FAM124A: variants seen among roughly 807,000 people sequenced by gnomAD.
FAM124A encodes the protein protein FAM124A.
In FAM124A, 23 loss-of-function variants were observed where a neutral mutation model predicts 24.5. That is an observed-to-expected ratio of 0.94 (90% CI 0.68 to 1.33). The LOEUF is 1.33. FAM124A is among the 40% of genes most tolerant of loss of function. FAM124A has a pLI of 0.00. For missense variants in FAM124A, 623 were observed against 722.8 expected (o/e 0.86, Z 1.58); for synonymous variants, 287 against 314.7 (o/e 0.91, Z 0.93).
At chr13:51,279,832 A>G (rs1408440371) in intron 3 of FAM124A, among the ~76,000 whole-genome samples, 1 of 152,350 alleles carries the variant, frequency 6.6e-6, no homozygotes, top group African/African-American at 2.4e-5. Context: ...ACTAGCAACA[A>G]GTAGATAAAT....
chr13:51,268,980 A>G (rs1221391198), intron 3 of FAM124A, among the ~76,000 whole-genome samples: 6 of 152,246 alleles, frequency 3.9e-5, no homozygotes, highest in Non-Finnish European at 1.5e-5. Context: ...AGAAACAAAC[A>G]CATGCAGAGC....
At position 51,258,695 on chromosome 13, in the gene FAM124A, G is replaced by A. The variant is rs1457500170; in HGVS notation, c.834+6494G>A. Among the ~76,000 whole-genome samples the A allele has an allele frequency of 6.6e-6, 1 of 152,212 alleles. No homozygotes were observed. Among genetic ancestry groups the A allele is most frequent in the East Asian group, 1.9e-4 (1 of 5,192 alleles). On this transcript the variant is annotated intron_variant, in intron 3 of 3. Transcript: ENST00000322475. The surrounding 1 kb of genome is among the most constrained non-coding windows in gnomAD (Gnocchi z 4.2). The stretch of plus-strand genomic sequence containing the variant: ...AGTGGCTAGGGGCATGTTCCACTGC[G>A]TTGGGAACCTTTGTTTCCAAATCTG...
intron 2 of FAM124A, among the ~76,000 whole-genome samples, chr13:51,243,276 A>G (rs1476490913): frequency 1.3e-5 from 2 of 152,162 alleles, no homozygotes; most frequent in South Asian, 2.1e-4. Flanking sequence ...TTGCTTACAC[A>G]TTTTTCATTA....
chr13:51,268,391 TCATA>T (rs1199770906), intron 3 of FAM124A, among the ~76,000 whole-genome samples: 4 of 152,212 alleles, frequency 2.6e-5, no homozygotes, highest in Non-Finnish European at 5.9e-5. Context: ...TCTCTTAATG[TCATA>T]TTTAAAAAAA....
intron 2 of FAM124A, among the ~76,000 whole-genome samples, chr13:51,244,347 A>C (rs1954533406): frequency 6.6e-6 from 1 of 152,212 alleles, no homozygotes; most frequent in Non-Finnish European, 1.5e-5. Context: ...AGCTCTCTGA[A>C]GGCAGAGACT....
At chr13:51,262,126 G>C (rs1226057306) in intron 3 of FAM124A, among the ~76,000 whole-genome samples, 1 of 152,208 alleles carries the variant, frequency 6.6e-6, no homozygotes, top group Non-Finnish European at 1.5e-5. Flanking sequence ...CCAGGCTCTA[G>C]ATCTCACAAA....
intron 3 of FAM124A, among the ~76,000 whole-genome samples, chr13:51,253,892 A>T (rs1282975675): frequency 6.6e-6 from 1 of 152,214 alleles, no homozygotes; most frequent in Non-Finnish European, 1.5e-5. Context: ...CCTTGTTCAA[A>T]TAGTAATATG....
rs1228085647 is a variant in FAM124A at position 51,258,776 on chromosome 13, T to G, written c.834+6575T>G. Among the ~76,000 whole-genome samples the G allele has an allele frequency of 6.6e-6, 1 of 152,196 alleles. No homozygotes were observed. Among genetic ancestry groups the G allele is most frequent in the African/African-American group, 2.4e-5 (1 of 41,436 alleles). On this transcript the variant is annotated intron_variant, in intron 3 of 3. Transcript: ENST00000322475. The surrounding 1 kb of genome is among the most constrained non-coding windows in gnomAD (Gnocchi z 4.2). ...GAGTCACTGAGACCTGTGGGAAGAATGCCTCTGGCGTGCCCTCGGTCAGCA... is the reference window on the plus strand; with the variant it reads ...GAGTCACTGAGACCTGTGGGAAGAAGGCCTCTGGCGTGCCCTCGGTCAGCA...
At chr13:51,261,722 T>C (rs1022551543) in intron 3 of FAM124A, among the ~76,000 whole-genome samples, 1 of 152,166 alleles carries the variant, frequency 6.6e-6, no homozygotes, top group Admixed American at 6.5e-5. Flanking sequence ...GGAGGTTTGG[T>C]GGGAGATCTG....
chr13:51,266,264 GACAC>G (rs1042186334), intron 3 of FAM124A, among the ~76,000 whole-genome samples: 5 of 152,146 alleles, frequency 3.3e-5, no homozygotes, highest in African/African-American at 9.7e-5. Context: ...TAAAACATAA[GACAC>G]ACACAGTGTC....
chr13:51,227,576 G>A (rs1400676895), intron 1 of FAM124A: 1 of 152,240 alleles, frequency 6.6e-6, no homozygotes, highest in Non-Finnish European at 1.5e-5. Flanking sequence ...GTCGGCTGCT[G>A]ATGGTGGTAA....
At chr13:51,249,182 G>T (rs1028349669) in intron 2 of FAM124A, among the ~76,000 whole-genome samples, 1 of 152,218 alleles carries the variant, frequency 6.6e-6, no homozygotes, top group Admixed American at 6.5e-5. Context: ...TGAGCAAGAG[G>T]ATGTGTTCTG....
intron 3 of FAM124A, among the ~76,000 whole-genome samples, chr13:51,276,868 G>T (rs1414124548): frequency 1.3e-5 from 2 of 152,166 alleles, no homozygotes; most frequent in Non-Finnish European, 2.9e-5. Context: ...AAACACAAGA[G>T]GAAATGATCT....
chr13:51,234,780 T>C (rs2408301), intron 2 of FAM124A, among the ~76,000 whole-genome samples: 7,771 of 152,266 alleles, frequency 0.051, 357 homozygotes, highest in East Asian at 0.25. Flanking sequence ...TCGTGGCCTG[T>C]AATGTAAATT....
rs1456708031 is a variant in FAM124A at position 51,251,731 on chromosome 13, A to T, written c.364A>T (p.Thr122Ser). The T allele has an allele frequency of 1.3e-6, 2 of 1,585,596 alleles. No homozygotes were observed. Among genetic ancestry groups the T allele is most frequent in the Admixed American group, 3.6e-5 (2 of 56,166 alleles). The change falls in exon 3 of 4, where the codon ACA becomes TCA. Residue 122 changes from threonine to serine, a missense_variant. Coordinates refer to ENST00000322475, the MANE Select transcript of FAM124A (RefSeq NM_001242312.2). The surrounding 1 kb of genome is among the most constrained non-coding windows in gnomAD (Gnocchi z 5.3). ...AGAGCAGATCCTGCAGCTGCACCGC[A>T]CACTGCAGCAGCCGCCCTGGCGCCA... ...GEEQILQLHRTLQQPPWRHHH... is the reference protein window; with the variant it reads ...GEEQILQLHRSLQQPPWRHHH...
At chr13:51,260,047 G>T (rs1954718350) in intron 3 of FAM124A, among the ~76,000 whole-genome samples, 1 of 152,104 alleles carries the variant, frequency 6.6e-6, no homozygotes, top group Admixed American at 6.5e-5. Context: ...ACAGGAGGAG[G>T]CTGTGTCAGG....
Position 51,269,186 on chromosome 13 carries a change from C to T in FAM124A, c.835-11264C>T, listed in dbSNP as rs575743915. The stretch of plus-strand genomic sequence containing the variant: ...ACCTCAGTCAGCTAGAAAAGCAACA[C>T]CAAACTGTTGGAAATGATGTAATTA... On this transcript the variant is annotated intron_variant, in intron 3 of 3. Coordinates refer to ENST00000322475, the MANE Select transcript of FAM124A (RefSeq NM_001242312.2). Among the ~76,000 whole-genome samples, 3 of 152,262 alleles carry T rather than the reference C, an allele frequency of 2.0e-5. No homozygotes were observed. The South Asian group carries it at 6.2e-4, about 32-fold the overall frequency.
chr13:51,251,629 C>G lies in FAM124A; in HGVS notation c.262C>G (p.Arg88Gly). Residue 88 changes from arginine to glycine, a missense_variant, in exon 3 of 4, where the codon CGG becomes GGG. By Grantham distance (125) the Arg-to-Gly change is moderately radical (BLOSUM62 -2). Coordinates refer to ENST00000322475, the MANE Select transcript of FAM124A (RefSeq NM_001242312.2). The surrounding 1 kb of genome is among the most constrained non-coding windows in gnomAD (Gnocchi z 5.3). ...CCGGGTGTCCGAGAGGCGGGCGTCC[C>G]GGCGGCGGCGGAAGCCCCCCAAGGG... ...LFRVSERRAS[R>G]RRRKPPKGAQ... 6.4e-7 allele frequency: 1 copy of G among 1,558,030 alleles called. No individual in the cohort carries two copies. The highest frequency in any genetic ancestry group is 8.7e-7 in the Non-Finnish European group (1 of 1,149,778).
Position 51,280,852 on chromosome 13 carries a change from G to T in FAM124A, c.1237G>T (p.Asp413Tyr), listed in dbSNP as rs1442079857. The T allele has an allele frequency of 1.2e-6, 2 of 1,614,148 alleles. No homozygotes were observed. Among genetic ancestry groups the T allele is most frequent in the East Asian group, 4.5e-5 (2 of 44,884 alleles). The change falls in exon 4 of 4, where the codon GAC becomes TAC. Residue 413 changes from aspartate to tyrosine, a missense_variant. Transcript: ENST00000322475. Reference protein sequence around the residue: ...IDDLEGAQETDVDTGLRLSSS... With the variant: ...IDDLEGAQETYVDTGLRLSSS... Reference sequence around the variant, plus strand: ...TGACCTAGAGGGGGCCCAGGAGACAGACGTGGACACAGGCCTGCGGCTGTC... The same window carrying T: ...TGACCTAGAGGGGGCCCAGGAGACATACGTGGACACAGGCCTGCGGCTGTC...
Sources: gnomAD v4.1 joint callset for allele counts (sites outside exome capture counted in the v4.1 genomes callset) on GRCh38, gnomAD v4.1.1 for gene constraint, Gnocchi (gnomAD v3.1) non-coding constraint, MANE v1.5 for transcripts, NCBI Gene and HGNC (gene_info 2026-07-23, HGNC 2026-07-21) for gene names.